The following LRFN5 variants were observed in gnomAD, a reference collection of about 807,000 sequenced individuals.
LRFN5 encodes the protein leucine-rich repeat and fibronectin type-III domain-containing protein 5.
In LRFN5, 24 loss-of-function variants were observed where a neutral mutation model predicts 45.6. That is an observed-to-expected ratio of 0.53 (90% CI 0.38 to 0.74). The LOEUF is 0.74. LRFN5 is among the 30% of genes least tolerant of loss of function. The pLI is 0.00. For missense variants in LRFN5, 776 were observed against 861.5 expected (o/e 0.90, Z 1.24); for synonymous variants, 340 against 313.8 (o/e 1.08, Z -0.88).
chr14:41,902,195 T>G (rs182210108), intron 5 of LRFN5, among the ~76,000 whole-genome samples: 5 of 152,048 alleles, frequency 3.3e-5, no homozygotes, highest in Admixed American at 3.3e-4. Flanking sequence ...TTAGTACTGT[T>G]AATAAGACTG....
intron 2 of LRFN5, among the ~76,000 whole-genome samples, chr14:41,795,121 G>T (rs1002084494): frequency 5.3e-5 from 8 of 151,750 alleles, no homozygotes; most frequent in Admixed American, 2.0e-4. Context: ...AAATGTTCAG[G>T]CTTCAGACAT....
At chr14:41,732,783 C>A (rs1245425565) in intron 1 of LRFN5, among the ~76,000 whole-genome samples, 2 of 141,048 alleles carry the variant, frequency 1.4e-5, no homozygotes, top group Admixed American at 6.9e-5. Flanking sequence ...ATCTACTAGA[C>A]AAAAAAAAAA....
At chr14:41,853,771 GAGGAAT>G (rs1397848945) in intron 2 of LRFN5, among the ~76,000 whole-genome samples, 1 of 152,078 alleles carries the variant, frequency 6.6e-6, no homozygotes, top group Admixed American at 6.6e-5. Context: ...TATAGGTAAA[GAGGAAT>G]AGAAGCTGGA....
intron 1 of LRFN5, among the ~76,000 whole-genome samples, chr14:41,674,540 G>A (rs1462898780): frequency 7.0e-6 from 1 of 143,852 alleles, no homozygotes; most frequent in African/African-American, 2.7e-5. Context: ...CGGGGCGGCT[G>A]GCCGGGCAGG....
intron 2 of LRFN5, among the ~76,000 whole-genome samples, chr14:41,824,139 G>A (rs191848841): frequency 1.1e-4 from 17 of 152,126 alleles, no homozygotes; most frequent in Admixed American, 3.3e-4. Context: ...CTTACAAGCC[G>A]TAGTTTGAAT....
In LRFN5 at chr14:41,736,235, G is replaced by A. The variant is rs374788013; in HGVS notation, c.-196-30619G>A. On this transcript the variant is annotated intron_variant, in intron 1 of 5. Transcript: ENST00000298119. Reference sequence around the variant, plus strand: ...ACACTCCCACCAACAGTGTAATAGCGTTACTATTTCTCCACAACCTCTCCA... The same window carrying A: ...ACACTCCCACCAACAGTGTAATAGCATTACTATTTCTCCACAACCTCTCCA... 2.2e-4 allele frequency among the ~76,000 whole-genome samples: 34 copies of A among 152,172 alleles called. No homozygotes were observed. The East Asian group carries it at 3.5e-3, about 16-fold the overall frequency.
At chr14:41,777,699 C>A (rs74045420) in intron 2 of LRFN5, among the ~76,000 whole-genome samples, 1,792 of 151,648 alleles carry the variant, frequency 0.012, 35 homozygotes, top group African/African-American at 0.041. Context: ...CTTATGTTTT[C>A]CTTCGCTTTT....
intron 1 of LRFN5, among the ~76,000 whole-genome samples, chr14:41,715,311 C>T (rs1163089831): frequency 2.0e-5 from 3 of 152,106 alleles, no homozygotes; most frequent in East Asian, 3.9e-4. Flanking sequence ...TGTATTGAGT[C>T]ACCAGAAATT....
In LRFN5 at chr14:41,891,517, G is replaced by A. The variant is rs1349795460; in HGVS notation, c.1653G>A (p.Arg551=). The A allele has an allele frequency of 2.4e-5, 39 of 1,613,988 alleles. No homozygotes were observed. Among genetic ancestry groups the A allele is most frequent in the Admixed American group, 3.3e-5 (2 of 60,000 alleles). ...TATTCATCATTATTCTGATGATCCGGTATAAGGTTTGCAACAATAATGGGC... is the reference window on the plus strand; with the variant it reads ...TATTCATCATTATTCTGATGATCCGATATAAGGTTTGCAACAATAATGGGC... ...VLVFIIILMI[R]YKVCNNNGQH... Residue 551 remains arginine, a synonymous_variant, in exon 4 of 6, where the codon CGG becomes CGA. Coordinates refer to ENST00000298119, the MANE Select transcript of LRFN5 (RefSeq NM_152447.5).
At chr14:41,793,216 T>G (rs890416880) in intron 2 of LRFN5, among the ~76,000 whole-genome samples, 1 of 151,996 alleles carries the variant, frequency 6.6e-6, no homozygotes, top group Non-Finnish European at 1.5e-5. Context: ...TCACAATTCA[T>G]GTTCCTCTGC....
At chr14:41,864,055 C>A (rs1889760548) in intron 2 of LRFN5, among the ~76,000 whole-genome samples, 1 of 152,160 alleles carries the variant, frequency 6.6e-6, no homozygotes, top group Non-Finnish European at 1.5e-5. Flanking sequence ...TCCACATTTG[C>A]TTTATCCAGT....
chr14:41,874,016 A>G (rs1890108674), intron 2 of LRFN5, among the ~76,000 whole-genome samples: 1 of 152,254 alleles, frequency 6.6e-6, no homozygotes, highest in African/African-American at 2.4e-5. Context: ...ACACCAGTTA[A>G]TAGCATTCAA....
intron 2 of LRFN5, among the ~76,000 whole-genome samples, chr14:41,872,568 G>C (rs191146107): frequency 6.6e-6 from 1 of 152,286 alleles, no homozygotes; most frequent in East Asian, 1.9e-4. Context: ...CCTTGCTCAT[G>C]ACTCTCATCT....
At chr14:41,720,499 C>CT (rs1335245358) in intron 1 of LRFN5, among the ~76,000 whole-genome samples, 1 of 152,050 alleles carries the variant, frequency 6.6e-6, no homozygotes, top group African/African-American at 2.4e-5. Flanking sequence ...ATCTTCCTAA[C>CT]TTTTTGATAT....
chr14:41,831,542 G>A (rs981552599), intron 2 of LRFN5, among the ~76,000 whole-genome samples: 1 of 152,068 alleles, frequency 6.6e-6, no homozygotes, highest in Non-Finnish European at 1.5e-5. Context: ...ATGTTTGTAA[G>A]TATATACACA....
intron 1 of LRFN5, among the ~76,000 whole-genome samples, chr14:41,644,492 T>C (rs968842942): frequency 1.3e-5 from 2 of 152,216 alleles, no homozygotes; most frequent in African/African-American, 4.8e-5. Context: ...CCTATCCTAC[T>C]TTACTTAATA....
intron 1 of LRFN5, among the ~76,000 whole-genome samples, chr14:41,699,117 GAGA>G (rs764887917): frequency 6.6e-6 from 1 of 152,054 alleles, no homozygotes; most frequent in Admixed American, 6.6e-5. Context: ...CTACAAAAGT[GAGA>G]AGAACATGAT....
chr14:41,889,429 A>G (rs1890703093), intron 3 of LRFN5, among the ~76,000 whole-genome samples: 1 of 152,208 alleles, frequency 6.6e-6, no homozygotes, highest in South Asian at 2.1e-4. Flanking sequence ...ATATTAACTT[A>G]AAGTAATTTG....
chr14:41,749,640 G>A (rs78304685), intron 1 of LRFN5, among the ~76,000 whole-genome samples: 1,650 of 152,174 alleles, frequency 0.011, 29 homozygotes, highest in African/African-American at 0.037. Flanking sequence ...TGCAAAGAAG[G>A]AAACAATAGA....
Sources: allele counts gnomAD v4.1 joint callset (sites outside exome capture counted in the v4.1 genomes callset), GRCh38; gene constraint gnomAD v4.1.1; transcripts MANE v1.5; gene names NCBI Gene and HGNC (gene_info 2026-07-23, HGNC 2026-07-21).